Variants in RERE observed in about 807,000 individuals in gnomAD.
RERE encodes arginine-glutamic acid dipeptide repeats, also known as arginine-glutamic acid dipeptide repeats protein.
In RERE, 40 loss-of-function variants were observed where a neutral mutation model predicts 146.1. That is an observed-to-expected ratio of 0.27 (90% CI 0.21 to 0.36). The LOEUF (loss-of-function observed/expected upper bound fraction) is 0.36, where lower values mean the gene tolerates loss of function less well. Ranked by LOEUF, RERE falls within the 10% of genes least tolerant of loss-of-function variation. The pLI, the probability that RERE is intolerant of heterozygous loss-of-function variation, is 1.00. For synonymous variants in RERE, 1,003 were observed against 866.0 expected, an observed-to-expected ratio of 1.16 and a Z score of -2.78; for missense variants, 1,933 against 2,138.7, an observed-to-expected ratio of 0.90 and a Z score of 1.90.
chr1:8,800,368 ATG>A lies in RERE; in HGVS notation c.-145+16790_-145+16791del, dbSNP rs575230877. Among the ~76,000 whole-genome samples the A allele has an allele frequency of 3.1e-3, 466 of 152,306 alleles. 2 individuals carry two copies. Among genetic ancestry groups the A allele is most frequent in the Non-Finnish European group, 3.4e-3 (231 of 68,032 alleles). On this transcript the variant is annotated intron_variant, in intron 1 of 22. Transcript: ENST00000400908. The stretch of plus-strand genomic sequence containing the variant: ...TCTCAATGAAGCTTTTATTATTTAA[ATG>A]TGTTTTAAAAATAAATGACACTCAG...
rs777097881 is a variant in RERE, at chr1:8,365,925, G to A, written c.1334C>T (p.Ala445Val). Reference sequence around the variant, plus strand: ...GTGCCTACGATGGGCTCGGGAGCTGGCTGCTTCGGGGGTCTTCTTCCAATA... The same window carrying A: ...GTGCCTACGATGGGCTCGGGAGCTGACTGCTTCGGGGGTCTTCTTCCAATA... ...YYYWKKTPEA[A>V]SSRAHRRHRR... Residue 445 changes from alanine to valine, a missense_variant, in exon 13 of 23, where the codon GCC becomes GTC. Transcript: ENST00000400908. 6.2e-7 allele frequency: 1 copy of A among 1,614,086 alleles called. No homozygotes were observed. Among genetic ancestry groups the A allele is most frequent in the East Asian group, 2.2e-5 (1 of 44,894 alleles).
chr1:8,808,370 C>G (rs1217472810), intron 1 of RERE, among the ~76,000 whole-genome samples: 1 of 152,080 alleles, frequency 6.6e-6, no homozygotes, highest in Non-Finnish European at 1.5e-5. Flanking sequence ...CCATTGTCTC[C>G]TGCAGATCTC....
chr1:8,709,641 T>G (rs1164955152), intron 1 of RERE, among the ~76,000 whole-genome samples: 3 of 152,224 alleles, frequency 2.0e-5, no homozygotes. Flanking sequence ...CTTCTCTCAC[T>G]TTACAGAAGA....
At chr1:8,453,388 C>T (rs1008950033) in intron 11 of RERE, among the ~76,000 whole-genome samples, 1 of 152,166 alleles carries the variant, frequency 6.6e-6, no homozygotes, top group African/African-American at 2.4e-5. Context: ...AAGACTTCAA[C>T]GTGGGAGAGA....
chr1:8,700,050 T>A (rs1490457033), intron 1 of RERE, among the ~76,000 whole-genome samples: 2 of 152,234 alleles, frequency 1.3e-5, no homozygotes, highest in Non-Finnish European at 2.9e-5. Flanking sequence ...CTCATGCCTG[T>A]AATACCAGCA....
intron 7 of RERE, among the ~76,000 whole-genome samples, chr1:8,538,518 C>T (rs541041340): frequency 1.3e-4 from 20 of 152,296 alleles, no homozygotes; most frequent in African/African-American, 4.6e-4. Flanking sequence ...ATAGCCCTAA[C>T]CCCAAACTTC....
intron 7 of RERE, among the ~76,000 whole-genome samples, chr1:8,522,763 C>T (rs1237623987): frequency 6.6e-6 from 1 of 151,968 alleles, no homozygotes; most frequent in African/African-American, 2.4e-5. Context: ...ATCCTAGCTA[C>T]TCAGGAGGCT....
At position 8,665,128 on chromosome 1, in the gene RERE, C is replaced by T. The variant is rs1638541674; in HGVS notation, c.-144-8687G>A. Among the ~76,000 whole-genome samples the T allele has an allele frequency of 9.8e-5, 15 of 152,318 alleles. 1 individual carries two copies. The South Asian group carries it at 2.9e-3, about 29-fold the overall frequency. On this transcript the variant is annotated intron_variant, in intron 1 of 22. Coordinates refer to ENST00000400908, the MANE Select transcript of RERE (RefSeq NM_001042681.2). The stretch of plus-strand genomic sequence containing the variant: ...CCAGAGTCCTTTGCTAAGGTTCTTC[C>T]TACCCTTTGTAATGCTCTTCGTCTG...
chr1:8,665,442 T>C (rs749623082), intron 1 of RERE, among the ~76,000 whole-genome samples: 2 of 152,194 alleles, frequency 1.3e-5, no homozygotes, highest in African/African-American at 2.4e-5. Context: ...TCCCACCCTC[T>C]CACACATACG....
At position 8,557,527 on chromosome 1, in the gene RERE, A is replaced by G. The variant is rs1375444143; in HGVS notation, c.523-4T>C. 1 of 1,592,394 alleles carries G rather than the reference A, an allele frequency of 6.3e-7. No homozygotes were observed. Among genetic ancestry groups the G allele is most frequent in the Non-Finnish European group, 8.6e-7 (1 of 1,160,230 alleles). On this transcript the variant is annotated splice_polypyrimidine_tract_variant and splice_region_variant and intron_variant, in intron 4 of 22. Transcript: ENST00000400908. The stretch of plus-strand genomic sequence containing the variant: ...TGAGGAGATGGTCCCTCTTACTCTG[A>G]AAAGGAAAATCTAACAGCATTAGGA...
intron 2 of RERE, among the ~76,000 whole-genome samples, chr1:8,649,420 C>A (rs114001162): frequency 0.011 from 1,699 of 152,066 alleles, 12 homozygotes; most frequent in Non-Finnish European, 0.017. Context: ...CTAGAAATTT[C>A]TTTATTCAAC....
At chr1:8,493,671 T>C (rs1645007029) in intron 10 of RERE, among the ~76,000 whole-genome samples, 1 of 152,038 alleles carries the variant, frequency 6.6e-6, no homozygotes, top group South Asian at 2.1e-4. Context: ...GGACAGATGA[T>C]CTTGAAAGTC....
chr1:8,750,264 G>C (rs1457953532), intron 1 of RERE, among the ~76,000 whole-genome samples: 1 of 151,928 alleles, frequency 6.6e-6, no homozygotes, highest in African/African-American at 2.4e-5. Flanking sequence ...AGTAGTCAAT[G>C]TGTTCAATAA....
intron 11 of RERE, among the ~76,000 whole-genome samples, chr1:8,443,239 G>T (rs928320963): frequency 1.3e-5 from 2 of 151,994 alleles, no homozygotes; most frequent in African/African-American, 4.8e-5. Flanking sequence ...GCGGCGGGTG[G>T]ATCATGAGGT....
intron 2 of RERE, among the ~76,000 whole-genome samples, chr1:8,630,960 T>C (rs964197465): frequency 1.2e-4 from 18 of 152,208 alleles, no homozygotes; most frequent in African/African-American, 3.9e-4. Flanking sequence ...ATTCCATGTA[T>C]TGAAATGTCT....
intron 1 of RERE, among the ~76,000 whole-genome samples, chr1:8,693,083 C>T (rs192907624): frequency 6.6e-6 from 1 of 152,298 alleles, no homozygotes; most frequent in East Asian, 1.9e-4. Flanking sequence ...ATCCACTACA[C>T]TGACAACACC....
At chr1:8,794,863 A>G (rs1232545350) in intron 1 of RERE, among the ~76,000 whole-genome samples, 2 of 152,082 alleles carry the variant, frequency 1.3e-5, no homozygotes, top group South Asian at 4.1e-4. Context: ...CCCAGGTTGG[A>G]GTGCAGTGGT....
chr1:8,781,515 C>T (rs1328618308), intron 1 of RERE, among the ~76,000 whole-genome samples: 2 of 151,774 alleles, frequency 1.3e-5, no homozygotes, highest in Non-Finnish European at 2.9e-5. Context: ...CAGGGTGAGA[C>T]CCTGTCTTAA....
At chr1:8,795,340 C>T (rs7554399) in intron 1 of RERE, among the ~76,000 whole-genome samples, 34,633 of 148,454 alleles carry the variant, frequency 0.23, 4,122 homozygotes, top group Admixed American at 0.27. Context: ...TTTTTTTTTT[C>T]TTTTTAGGAG....
Sources: gnomAD v4.1 joint callset for allele counts (sites outside exome capture counted in the v4.1 genomes callset) on GRCh38, gnomAD v4.1.1 for gene constraint, MANE v1.5 for transcripts, NCBI Gene and HGNC (gene_info 2026-07-23, HGNC 2026-07-21) for gene names.